The following PTBP3 variants were observed in gnomAD, a reference collection of about 807,000 sequenced individuals.
PTBP3 encodes the protein polypyrimidine tract-binding protein 3.
PTBP3 carries 20 observed loss-of-function variants against 58.7 expected under a neutral mutation model. The ratio of observed to expected loss-of-function variants is 0.34; its 90% CI spans 0.24 to 0.50. PTBP3 has a LOEUF of 0.50. Among genes scored for constraint, PTBP3 ranks in the 20% least tolerant of loss-of-function variants. PTBP3 has a pLI of 0.98. For missense variants in PTBP3, 509 were observed against 637.2 expected (o/e 0.80, Z 2.17); for synonymous variants, 185 against 219.8 (o/e 0.84, Z 1.40).
rs1834838043 is a variant in PTBP3, at chr9:112,222,391, A to C, written c.*1460T>G. 1 of 985,622 alleles carries C rather than the reference A, an allele frequency of 1.0e-6. No homozygotes were observed. 61.1% of individuals were successfully genotyped at this position (985,622 alleles called of 1,614,324 possible). A position where few individuals can be genotyped will look rare whatever the true frequency, so the allele number is the denominator to read the frequency against. On this transcript the variant is annotated 3_prime_UTR_variant, in exon 14 of 14. Transcript: ENST00000374257. The stretch of plus-strand genomic sequence containing the variant: ...CCAAATACGTGGGTACTCAGTAATG[A>C]AAGTCACATTAACAAAGAAAAGCAA...
intron 2 of PTBP3, among the ~76,000 whole-genome samples, chr9:112,297,170 C>T (rs925855747): frequency 6.6e-6 from 1 of 152,136 alleles, no homozygotes; most frequent in African/African-American, 2.4e-5. Context: ...TCGTCTTATA[C>T]TTTAATACTT....
intron 1 of PTBP3, among the ~76,000 whole-genome samples, chr9:112,310,765 A>G (rs972483123): frequency 6.6e-6 from 1 of 152,270 alleles, no homozygotes; most frequent in African/African-American, 2.4e-5. Flanking sequence ...TAGGACAGCA[A>G]GGTACGACTT....
At chr9:112,309,653 T>C (rs1272236355) in intron 1 of PTBP3, among the ~76,000 whole-genome samples, 1 of 151,876 alleles carries the variant, frequency 6.6e-6, no homozygotes, top group Non-Finnish European at 1.5e-5. Context: ...CTGGGCGTGG[T>C]GGTGGACGCC....
the PTBP3 span, among the ~76,000 whole-genome samples, chr9:112,371,548 T>C: frequency 6.6e-6 from 1 of 151,998 alleles, no homozygotes; most frequent in Non-Finnish European, 1.5e-5. Flanking sequence ...AGCACTCTCC[T>C]CCACACATTG....
In PTBP3 at chr9:112,247,240, T is replaced by C. The variant is rs982968126; in HGVS notation, c.802+3689A>G. ...GTGATCACATCACTGCACTTCAGCC[T>C]GGGCAACAGATTAAGTCCCTGTTTC... On this transcript the variant is annotated intron_variant, in intron 7 of 13. Coordinates refer to ENST00000374257, the MANE Select transcript of PTBP3 (RefSeq NM_001163788.4). Among the ~76,000 whole-genome samples, 12 of 150,496 alleles carry C rather than the reference T, an allele frequency of 8.0e-5. No homozygotes were observed. In the East Asian group the frequency reaches 1.8e-3, roughly 22 times the overall value.
chr9:112,333,779 C>A, upstream of PTBP3: 1 of 271,218 alleles, frequency 3.7e-6, no homozygotes, highest in Non-Finnish European at 6.8e-6. Context: ...GCCCCGCTGG[C>A]AGCCGGCCTC....
At chr9:112,262,663 T>C in intron 4 of PTBP3, 64 bp from the exon 5 acceptor site, 1 of 1,409,538 alleles carries the variant, frequency 7.1e-7, no homozygotes, top group Non-Finnish European at 9.4e-7. Context: ...TCCTAAAATT[T>C]AGTTGACATA....
the PTBP3 span, among the ~76,000 whole-genome samples, chr9:112,357,812 G>A: frequency 1.3e-5 from 2 of 151,952 alleles, no homozygotes; most frequent in East Asian, 3.9e-4. Flanking sequence ...CCTTGGAGAA[G>A]GTGTAAACAA....
the PTBP3 span, among the ~76,000 whole-genome samples, chr9:112,344,382 T>C: frequency 6.6e-6 from 1 of 152,154 alleles, no homozygotes; most frequent in South Asian, 2.1e-4. Flanking sequence ...AAGAATCCAT[T>C]AGTTATCACA....
chr9:112,238,151 G>A (rs926389126), intron 7 of PTBP3, among the ~76,000 whole-genome samples: 1 of 151,830 alleles, frequency 6.6e-6, no homozygotes, highest in Non-Finnish European at 1.5e-5. Context: ...TAAGCAGAAA[G>A]AAAATTGCAA....
At chr9:112,320,291 A>ATATATATATATATATATAT (rs1554805667) in intron 1 of PTBP3, among the ~76,000 whole-genome samples, 1 of 73,532 alleles carries the variant, frequency 1.4e-5, no homozygotes, top group African/African-American at 9.0e-5. Context: ...AAAAAAAAAA[A>ATATATATATATATATATAT]ATATATATAT....
At chr9:112,331,211 A>C (rs988531151) in intron 1 of PTBP3, among the ~76,000 whole-genome samples, 1 of 152,062 alleles carries the variant, frequency 6.6e-6, no homozygotes, top group African/African-American at 2.4e-5. Context: ...CCAAATAAGG[A>C]AAAAGGATCT....
intron 1 of PTBP3, among the ~76,000 whole-genome samples, chr9:112,331,128 A>ACAC (rs1564469969): frequency 1.2e-3 from 131 of 109,508 alleles, no homozygotes; most frequent in African/African-American, 3.8e-3. Flanking sequence ...CACACACACG[A>ACAC]GAGACAGTTG....
the PTBP3 span, among the ~76,000 whole-genome samples, chr9:112,376,596 A>G: frequency 6.6e-6 from 1 of 152,090 alleles, no homozygotes; most frequent in African/African-American, 2.4e-5. Flanking sequence ...ATAATAGGCC[A>G]TCTGCAAGCT....
intron 8 of PTBP3, among the ~76,000 whole-genome samples, chr9:112,232,798 C>T (rs1208004283): frequency 6.6e-6 from 1 of 152,100 alleles, no homozygotes; most frequent in African/African-American, 2.4e-5. Flanking sequence ...CAGAAATGTT[C>T]TGAGCTCTCT....
At chr9:112,344,247 C>T in the PTBP3 span, among the ~76,000 whole-genome samples, 1 of 152,024 alleles carries the variant, frequency 6.6e-6, no homozygotes, top group Non-Finnish European at 1.5e-5. Flanking sequence ...TAGTATTTGT[C>T]CTCTCTGAAA....
intron 2 of PTBP3, among the ~76,000 whole-genome samples, chr9:112,290,707 TACACAC>T (rs60262490): frequency 6.2e-4 from 69 of 110,926 alleles, no homozygotes; most frequent in African/African-American, 2.4e-3. Flanking sequence ...TATATATATA[TACACAC>T]ACACACACAC....
chr9:112,275,133 C>T (rs1323382768), intron 3 of PTBP3, among the ~76,000 whole-genome samples: 1 of 80,974 alleles, frequency 1.2e-5, no homozygotes, highest in East Asian at 3.0e-4. Context: ...CAATACTATA[C>T]TTTTTATTTT....
chr9:112,268,213 A>T lies in PTBP3; in HGVS notation c.205-18T>A. The T allele has an allele frequency of 6.3e-7, 1 of 1,599,816 alleles. No homozygotes were observed. Among genetic ancestry groups the T allele is most frequent in the African/African-American group, 1.3e-5 (1 of 74,140 alleles). On this transcript the variant is annotated intron_variant, in intron 3 of 13. Coordinates refer to ENST00000374257, the MANE Select transcript of PTBP3 (RefSeq NM_001163788.4). ...AAGAAAGCCTGCAATAAACACAAGA[A>T]GGTAAAGTTAAAGCTCATCTTTTTG...
Sources: allele counts gnomAD v4.1 joint callset (sites outside exome capture counted in the v4.1 genomes callset), GRCh38; gene constraint gnomAD v4.1.1; transcripts MANE v1.5; gene names NCBI Gene and HGNC (gene_info 2026-07-23, HGNC 2026-07-21).